BCL2L14: variants seen among roughly 807,000 people sequenced by gnomAD.
BCL2L14 encodes apoptosis facilitator Bcl-2-like protein 14.
In BCL2L14, 27 loss-of-function variants were observed where a neutral mutation model predicts 35.3. The ratio of observed to expected loss-of-function variants is 0.76; its 90% CI spans 0.56 to 1.05. BCL2L14 has a LOEUF of 1.05. BCL2L14 is among the 50% of genes least tolerant of loss of function. The pLI, the probability that BCL2L14 is intolerant of heterozygous loss-of-function variation, is 0.00. For synonymous variants in BCL2L14, 139 were observed against 145.9 expected (o/e 0.95, Z 0.34); for missense variants, 377 against 382.6 (o/e 0.99, Z 0.12).
intron 4 of BCL2L14, among the ~76,000 whole-genome samples, chr12:12,092,306 C>T (rs1949206313): frequency 6.6e-6 from 1 of 152,204 alleles, no homozygotes; most frequent in African/African-American, 2.4e-5. Flanking sequence ...TTGCCTGGTG[C>T]TCTCTCTTAA....
chr12:12,068,383 G>A (rs1712163585), upstream of BCL2L14, among the ~76,000 whole-genome samples: 1 of 151,842 alleles, frequency 6.6e-6, no homozygotes, highest in Non-Finnish European at 1.5e-5. Flanking sequence ...TTGTTTTTCT[G>A]TTTGTTTGTT....
In BCL2L14 at chr12:12,087,195, C is replaced by T; in HGVS notation, c.434-18C>T. 1 of 1,612,528 alleles carries T rather than the reference C, an allele frequency of 6.2e-7. No homozygotes were observed. The highest frequency in any genetic ancestry group is 8.5e-7 in the Non-Finnish European group (1 of 1,178,932). ...AGTTCTGGGAAGGGCCTCTCAGCAC[C>T]ATTTTGTCTTGTTTCAGCTGTGGAC... On this transcript the variant is annotated intron_variant, in intron 2 of 5. Coordinates refer to ENST00000308721, the MANE Select transcript of BCL2L14 (RefSeq NM_138723.2).
At chr12:12,095,143 A>T in intron 5 of BCL2L14, 4 of 985,384 alleles carry the variant, frequency 4.1e-6, no homozygotes, top group Non-Finnish European at 4.8e-6. Context: ...CTCCAAGGGT[A>T]TGCAGGGTAT....
intron 2 of BCL2L14, among the ~76,000 whole-genome samples, chr12:12,060,487 C>G (rs1948507095): frequency 9.4e-6 from 1 of 106,740 alleles, no homozygotes; most frequent in Admixed American, 1.0e-4. Context: ...CCCTCAAACC[C>G]CACAACAGGA....
At chr12:12,098,489 A>C (rs1418071807) in intron 5 of BCL2L14, among the ~76,000 whole-genome samples, 1 of 152,162 alleles carries the variant, frequency 6.6e-6, no homozygotes, top group Non-Finnish European at 1.5e-5. Context: ...AAATGAATGA[A>C]TAGCAACTCT....
intron 1 of BCL2L14, 43 bp from the exon 2 acceptor site, chr12:12,079,255 GT>G (rs1948852767): frequency 6.7e-7 from 1 of 1,496,680 alleles, no homozygotes; most frequent in African/African-American, 1.4e-5. Flanking sequence ...CAAAGGGTAA[GT>G]GGCCCTGCAT....
intron 2 of BCL2L14, among the ~76,000 whole-genome samples, chr12:12,081,189 C>T (rs1026500826): frequency 2.0e-5 from 3 of 151,732 alleles, no homozygotes; most frequent in Non-Finnish European, 2.9e-5. Context: ...CCCATCACGT[C>T]GATACTCTCA....
intron 2 of BCL2L14, among the ~76,000 whole-genome samples, chr12:12,083,821 G>A (rs886857161): frequency 5.9e-5 from 9 of 152,240 alleles, no homozygotes; most frequent in African/African-American, 1.2e-4. Flanking sequence ...CATGGTGCGC[G>A]CCTGCAGTCT....
At chr12:12,069,156 G>A (rs752093841), upstream of BCL2L14, among the ~76,000 whole-genome samples, 93 of 152,160 alleles carry the variant, frequency 6.1e-4, 1 homozygote, top group Non-Finnish European at 1.3e-3. Flanking sequence ...TTGGGCTGCT[G>A]CTTTACTACA....
chr12:12,079,990 G>A (rs1211092190), intron 2 of BCL2L14, among the ~76,000 whole-genome samples: 8 of 152,268 alleles, frequency 5.3e-5, no homozygotes, highest in South Asian at 4.2e-4. Flanking sequence ...GGATCATGAG[G>A]TCAGGAGATT....
At chr12:12,095,169 G>A in intron 5 of BCL2L14, 8 of 985,316 alleles carry the variant, frequency 8.1e-6, no homozygotes, top group Non-Finnish European at 9.6e-6. Flanking sequence ...GATGGAAAGG[G>A]ACTGGTCAGA....
chr12:12,087,510 CACAGGCTGTGGGCA>C (rs1949074005), intron 3 of BCL2L14, 124 bp downstream of exon 3: 1 of 1,103,474 alleles, frequency 9.1e-7, no homozygotes, highest in African/African-American at 1.6e-5. Context: ...GCTTGACAGC[CACAGGCTGTGGGCA>C]ATGAGCTCCA....
At chr12:12,052,337 C>A (rs1948369081) in intron 2 of BCL2L14, among the ~76,000 whole-genome samples, 1 of 152,188 alleles carries the variant, frequency 6.6e-6, no homozygotes, top group Non-Finnish European at 1.5e-5. Context: ...AAAGCTTATT[C>A]CTCTTGTCTA....
At chr12:12,054,254 G>C (rs1948398435) in intron 2 of BCL2L14, among the ~76,000 whole-genome samples, 5 of 152,170 alleles carry the variant, frequency 3.3e-5, no homozygotes, top group Admixed American at 3.3e-4. Flanking sequence ...TGTAATCCCA[G>C]CTCTTTGGAA....
At chr12:12,064,399 A>AGATT (rs368864812) in intron 2 of BCL2L14, among the ~76,000 whole-genome samples, 124,576 of 151,828 alleles carry the variant, frequency 0.82, 51,228 homozygotes, top group East Asian at 0.92. Context: ...CCAAAAGCAC[A>AGATT]CCCAAAAGGT....
intron 2 of BCL2L14, among the ~76,000 whole-genome samples, chr12:12,052,647 T>C (rs1287128865): frequency 6.6e-6 from 1 of 152,212 alleles, no homozygotes. Flanking sequence ...ATTGATTCCA[T>C]ATCTTGGCTA....
At chr12:12,087,183 GC>G (rs781665782) in intron 2 of BCL2L14, 29 bp from the exon 3 acceptor site, 1 of 1,608,880 alleles carries the variant, frequency 6.2e-7, no homozygotes. Flanking sequence ...TCTGGGAAGG[GC>G]CTCTCAGCAC....
chr12:12,088,920 A>G (rs1374970315), intron 3 of BCL2L14, among the ~76,000 whole-genome samples: 2 of 152,214 alleles, frequency 1.3e-5, no homozygotes. Context: ...ACTATCCCAC[A>G]TGGGCTTGGG....
chr12:12,076,178 G>A (rs1450351201), intron 1 of BCL2L14, among the ~76,000 whole-genome samples: 3 of 118,028 alleles, frequency 2.5e-5, no homozygotes, highest in African/African-American at 9.8e-5. Context: ...TGGGATGCCC[G>A]GAAAATGCAT....
Sources: allele counts gnomAD v4.1 joint callset (sites outside exome capture counted in the v4.1 genomes callset), GRCh38; gene constraint gnomAD v4.1.1; transcripts MANE v1.5; gene names NCBI Gene and HGNC (gene_info 2026-07-23, HGNC 2026-07-21).